NSD1: variants seen among roughly 807,000 people sequenced by gnomAD.
NSD1 encodes the protein nuclear receptor binding SET domain protein 1, also known as histone-lysine N-methyltransferase, H3 lysine-36 specific.
NSD1 carries 26 observed loss-of-function variants against 242.7 expected under a neutral mutation model. The ratio of observed to expected loss-of-function variants is 0.11; its 90% confidence interval spans 0.08 to 0.15. The LOEUF is 0.15. NSD1 is among the 10% of genes least tolerant of loss of function. The pLI is 1.00. For missense variants in NSD1, 2,495 were observed against 3,272.8 expected, an observed-to-expected ratio of 0.76 and a Z score of 5.80; for synonymous variants, 1,106 against 1,178.1, an observed-to-expected ratio of 0.94 and a Z score of 1.25.
chr5:177,137,829 G>T (rs145145620), intron 2 of NSD1, among the ~76,000 whole-genome samples: 2,768 of 151,956 alleles, frequency 0.018, 32 homozygotes, highest in Non-Finnish European at 0.028. Flanking sequence ...CACACCTGTA[G>T]TCCCAGCACT....
Position 177,295,716 on chromosome 5 carries a change from CT to C in NSD1, c.*261del. On this transcript the variant is annotated 3_prime_UTR_variant, in exon 23 of 23. Transcript: ENST00000439151. The surrounding 1 kb of genome is among the most constrained non-coding windows in gnomAD (Gnocchi z 4.3). Reference sequence around the variant, plus strand: ...ACAGACTTGGGTCTCTTTCCCCCAACTTTTCCACATGGTCATCGTGAAATAA... The same window carrying C: ...ACAGACTTGGGTCTCTTTCCCCCAACTTTCCACATGGTCATCGTGAAATAA... 1.8e-6 allele frequency: 1 copy of C among 567,476 alleles called. No homozygotes were observed. The highest frequency in any genetic ancestry group is 2.0e-5 in the South Asian group (1 of 49,552). The allele number at this position is 567,476 out of a possible 1,614,324, so 35.2% of individuals were successfully genotyped here.
intron 3 of NSD1, among the ~76,000 whole-genome samples, chr5:177,203,383 T>C (rs2149835305): frequency 6.6e-6 from 1 of 152,306 alleles, no homozygotes; most frequent in South Asian, 2.1e-4. Flanking sequence ...CAAGAAATTA[T>C]AGGCTAAACT....
intron 14 of NSD1, chr5:177,266,180 C>T: frequency 9.5e-7 from 1 of 1,053,806 alleles, no homozygotes; most frequent in Non-Finnish European, 1.5e-6. Flanking sequence ...AGCATGGACT[C>T]GTAGAAGAGG....
intron 3 of NSD1, among the ~76,000 whole-genome samples, chr5:177,193,890 G>T (rs1761896469): frequency 6.6e-6 from 1 of 151,868 alleles, no homozygotes; most frequent in African/African-American, 2.4e-5. Context: ...TTCTCCTCCT[G>T]CCTCAGCCTC....
intron 2 of NSD1, among the ~76,000 whole-genome samples, chr5:177,171,519 C>T (rs761632078): frequency 1.1e-4 from 17 of 152,132 alleles, no homozygotes; most frequent in Non-Finnish European, 2.9e-5. Flanking sequence ...CATGTATCAG[C>T]GGCCACATAA....
chr5:177,210,846 C>T lies in NSD1; in HGVS notation c.2447C>T (p.Ser816Phe). The change falls in exon 5 of 23, where the codon TCT becomes TTT. Residue 816 changes from serine to phenylalanine, a missense_variant. By Grantham distance (155) the Ser-to-Phe change is radical (BLOSUM62 -2). Transcript: ENST00000439151. ...INEECSLKCC[S>F]SDTKGSPLAS... is the part of the protein sequence containing the mutation. ...GAGGAGTGCAGTTTGAAATGCTGCT[C>T]TTCTGATACCAAAGGCTCTCCTTTG... 1.2e-6 allele frequency: 2 copies of T among 1,614,184 alleles called. No homozygotes were observed. The highest frequency in any genetic ancestry group is 2.7e-5 in the African/African-American group (2 of 75,058).
chr5:177,199,675 C>T (rs1384533514), intron 3 of NSD1, among the ~76,000 whole-genome samples: 1 of 151,834 alleles, frequency 6.6e-6, no homozygotes, highest in African/African-American at 2.4e-5. Flanking sequence ...TCTCAGCTCA[C>T]TGCAACCTCT....
At chr5:177,284,028 T>G in intron 20 of NSD1, 100 bp downstream of exon 20, 5 of 1,375,454 alleles carry the variant, frequency 3.6e-6, no homozygotes, top group Non-Finnish European at 5.1e-6. Flanking sequence ...CATTTCTATA[T>G]GTACCGTTCT....
At chr5:177,208,487 CTT>C in intron 4 of NSD1, among the ~76,000 whole-genome samples, 1 of 149,764 alleles carries the variant, frequency 6.7e-6, no homozygotes, top group African/African-American at 2.4e-5. Context: ...ACCTTTTTTT[CTT>C]TTTCTTTTTT....
chr5:177,161,859 C>T (rs528990363), intron 2 of NSD1, among the ~76,000 whole-genome samples: 6 of 151,830 alleles, frequency 4.0e-5, no homozygotes, highest in African/African-American at 4.8e-5. Context: ...CCATGTTGGC[C>T]GGGCTGTTCT....
At position 177,253,355 on chromosome 5, in the gene NSD1, G is replaced by A. The variant is rs190229262; in HGVS notation, c.4765+1502G>A. Among the ~76,000 whole-genome samples the A allele has an allele frequency of 1.4e-4, 21 of 152,278 alleles. No individual in the cohort carries two copies. In the East Asian group the frequency reaches 3.7e-3, roughly 27 times the overall value. On this transcript the variant is annotated intron_variant, in intron 12 of 22. Coordinates refer to ENST00000439151, the MANE Select transcript of NSD1 (RefSeq NM_022455.5). ...AATTGCACATATTTCAGGCCTATGAGTTGATAAATTTTGGTATGTGTATAT... is the reference window on the plus strand; with the variant it reads ...AATTGCACATATTTCAGGCCTATGAATTGATAAATTTTGGTATGTGTATAT...
intron 2 of NSD1, among the ~76,000 whole-genome samples, chr5:177,179,363 G>C (rs1180004785): frequency 5.3e-5 from 8 of 151,974 alleles, no homozygotes; most frequent in Non-Finnish European, 8.8e-5. Flanking sequence ...TTATAGGCAT[G>C]CGCCACCACG....
At chr5:177,241,271 C>T (rs1328246837) in intron 8 of NSD1, among the ~76,000 whole-genome samples, 1 of 150,758 alleles carries the variant, frequency 6.6e-6, no homozygotes, top group Non-Finnish European at 1.5e-5. Context: ...CCCAGGTGGG[C>T]AGATCACTTG....
rs1350344691 is a variant in NSD1, at chr5:177,296,624, C to T, written c.*1165C>T. ...TGTATTGAGAGCACCTGCCTGCTGA[C>T]TTAGCTCAAAGGCAAGCCAGAACCC... is the stretch of plus-strand genomic sequence containing the variant. On this transcript the variant is annotated 3_prime_UTR_variant, in exon 23 of 23. Transcript: ENST00000439151. 4 of 233,230 alleles carry T rather than the reference C, an allele frequency of 1.7e-5. No homozygotes were observed. In the East Asian group the frequency reaches 1.8e-4, roughly 11 times the overall value. 14.4% of individuals were successfully genotyped at this position (233,230 alleles called of 1,614,324 possible).
At chr5:177,214,526 G>C (rs541498661) in intron 5 of NSD1, among the ~76,000 whole-genome samples, 1 of 152,136 alleles carries the variant, frequency 6.6e-6, no homozygotes, top group Admixed American at 6.6e-5. Flanking sequence ...CATTCTTTCT[G>C]CTTCTGTGAA....
At chr5:177,161,313 C>T (rs1758727170) in intron 2 of NSD1, among the ~76,000 whole-genome samples, 2 of 151,734 alleles carry the variant, frequency 1.3e-5, no homozygotes, top group African/African-American at 4.8e-5. Flanking sequence ...CTCAGGAGTT[C>T]CAGGCTGCAG....
chr5:177,256,839 G>A (rs925551998), intron 12 of NSD1, 112 bp from the exon 13 acceptor site: 19 of 838,568 alleles, frequency 2.3e-5, no homozygotes, highest in Admixed American at 9.5e-5. Flanking sequence ...GGGTTCAGAC[G>A]ATGTCAAACC....
At chr5:177,265,533 C>G in intron 14 of NSD1, 2 of 801,788 alleles carry the variant, frequency 2.5e-6, no homozygotes, top group Non-Finnish European at 4.2e-6. Flanking sequence ...TAGGAATGCT[C>G]AGCCCCTGGG....
intron 5 of NSD1, among the ~76,000 whole-genome samples, chr5:177,234,474 T>C (rs556055939): frequency 2.0e-5 from 3 of 152,324 alleles, no homozygotes; most frequent in East Asian, 3.9e-4. Flanking sequence ...CCCAGCACTT[T>C]GGGAGGCCAA....
Sources: gnomAD v4.1 joint callset for allele counts (sites outside exome capture counted in the v4.1 genomes callset) on GRCh38, gnomAD v4.1.1 for gene constraint, Gnocchi (gnomAD v3.1) non-coding constraint, MANE v1.5 for transcripts, NCBI Gene and HGNC (gene_info 2026-07-23, HGNC 2026-07-21) for gene names.